Variants in DIP2C observed in about 807,000 individuals in gnomAD.
DIP2C encodes disco-interacting protein 2 homolog C.
Under a neutral mutation model 192.4 loss-of-function variants are expected in DIP2C, and 33 were observed. The ratio of observed to expected loss-of-function variants is 0.17; its 90% CI spans 0.13 to 0.23. DIP2C has a LOEUF of 0.23. Among genes scored for constraint, DIP2C ranks in the 10% least tolerant of loss-of-function variants. The probability of loss-of-function intolerance (pLI) is 1.00; values close to 1 mark genes in which losing one functional copy is unlikely to be tolerated. For synonymous variants in DIP2C, 979 were observed against 864.1 expected (o/e 1.13, Z -2.33); for missense variants, 1,537 against 2,110.1 (o/e 0.73, Z 5.32).
intron 1 of DIP2C, among the ~76,000 whole-genome samples, chr10:647,535 T>C (rs990658095): frequency 2.3e-4 from 27 of 116,266 alleles, no homozygotes; most frequent in South Asian, 6.2e-4. Flanking sequence ...CCACATTGGA[T>C]GGTGGGAGAG....
rs117691606 is a variant in DIP2C at position 375,625 on chromosome 10, C to T, written c.1992-5992G>A. 6.1e-3 allele frequency among the ~76,000 whole-genome samples: 936 copies of T among 152,276 alleles called. 4 individuals are homozygous for T. The highest frequency in any genetic ancestry group is 0.014 in the Middle Eastern group (4 of 294). Reference sequence around the variant, plus strand: ...TCTGGAAAGCATTCCATAAGCCTTGCCCGCATAACACCTTGAAGTAGCAGC... The same window carrying T: ...TCTGGAAAGCATTCCATAAGCCTTGTCCGCATAACACCTTGAAGTAGCAGC... On this transcript the variant is annotated intron_variant, in intron 17 of 36. Coordinates refer to ENST00000280886, the MANE Select transcript of DIP2C (RefSeq NM_014974.3).
chr10:422,867 C>G lies in DIP2C; in HGVS notation c.561G>C (p.Gly187=). 6.2e-7 allele frequency: 1 copy of G among 1,613,116 alleles called. No individual in the cohort carries two copies. Among genetic ancestry groups the G allele is most frequent in the Non-Finnish European group, 8.5e-7 (1 of 1,179,976 alleles). ...TGACGTCCGCCAGCCTGTGGGCAGC[C>G]CCGCTGCCCCCGCTCTGCGTAGAGG... ...SSSSTQSGGS[G]AAHRLADVMA... is the part of the protein sequence containing the mutation. Residue 187 remains glycine, a synonymous_variant, in exon 5 of 37, where the codon GGG becomes GGC. Coordinates refer to ENST00000280886, the MANE Select transcript of DIP2C (RefSeq NM_014974.3).
At chr10:469,729 T>G (rs1446411171) in intron 3 of DIP2C, among the ~76,000 whole-genome samples, 2 of 152,210 alleles carry the variant, frequency 1.3e-5, no homozygotes, top group Non-Finnish European at 2.9e-5. Flanking sequence ...AAACCCTGAC[T>G]GGCCCCCACT....
intron 32 of DIP2C, among the ~76,000 whole-genome samples, chr10:305,226 G>A (rs879338539): frequency 6.6e-6 from 1 of 152,130 alleles, no homozygotes; most frequent in Non-Finnish European, 1.5e-5. Context: ...TGCAACACAT[G>A]ACACAGGCAA....
intron 1 of DIP2C, among the ~76,000 whole-genome samples, chr10:546,207 G>A (rs182965545): frequency 1.1e-4 from 16 of 150,790 alleles, no homozygotes; most frequent in African/African-American, 3.7e-4. Context: ...ACTTGAACCC[G>A]GGAAGCAGAG....
chr10:295,210 T>C (rs976314281), intron 32 of DIP2C, among the ~76,000 whole-genome samples: 3 of 152,080 alleles, frequency 2.0e-5, no homozygotes, highest in Admixed American at 6.5e-5. Context: ...CTTATACTTA[T>C]TGTTACTAGG....
chr10:624,131 G>C (rs941898930), intron 1 of DIP2C, among the ~76,000 whole-genome samples: 4 of 152,226 alleles, frequency 2.6e-5, no homozygotes, highest in Non-Finnish European at 5.9e-5. Context: ...CCCCTGACCA[G>C]AGAAGGGAGC....
At chr10:368,640 G>A (rs1018391687) in intron 18 of DIP2C, among the ~76,000 whole-genome samples, 11 of 152,224 alleles carry the variant, frequency 7.2e-5, no homozygotes, top group Non-Finnish European at 1.2e-4. Flanking sequence ...TGAGGGGTCT[G>A]CCTCTGTGAG....
At chr10:454,276 T>A (rs567311553) in intron 3 of DIP2C, among the ~76,000 whole-genome samples, 1 of 151,070 alleles carries the variant, frequency 6.6e-6, no homozygotes, top group East Asian at 1.9e-4. Flanking sequence ...AGTGAAGAGT[T>A]TGTTGGTACT....
chr10:376,557 C>CTTT (rs61541768), intron 17 of DIP2C, among the ~76,000 whole-genome samples: 13 of 135,288 alleles, frequency 9.6e-5, no homozygotes, highest in African/African-American at 2.5e-4. Flanking sequence ...GAGGAAGTGT[C>CTTT]TTTTTTTTTT....
chr10:679,087 G>T (rs1236736203), intron 1 of DIP2C, among the ~76,000 whole-genome samples: 2 of 16,922 alleles, frequency 1.2e-4, no homozygotes, highest in African/African-American at 3.1e-4. Flanking sequence ...CCACACCCGT[G>T]CTCCCCGCAC....
chr10:340,644 G>A, intron 29 of DIP2C: 4 of 408,450 alleles, frequency 9.8e-6, no homozygotes, highest in Non-Finnish European at 2.0e-5. Context: ...AAAAAGCCAA[G>A]AAACATCCAT....
chr10:360,589 C>T (rs1241055238), intron 22 of DIP2C, among the ~76,000 whole-genome samples: 1 of 152,204 alleles, frequency 6.6e-6, no homozygotes, highest in East Asian at 1.9e-4. Context: ...GGAGGCAAGC[C>T]CTTCCCAGGT....
intron 1 of DIP2C, among the ~76,000 whole-genome samples, chr10:517,485 C>T (rs1036830946): frequency 2.0e-5 from 3 of 152,210 alleles, no homozygotes; most frequent in Admixed American, 2.0e-4. Context: ...GACAGGGTCA[C>T]TCTGACCCCT....
intron 1 of DIP2C, among the ~76,000 whole-genome samples, chr10:643,978 T>A (rs543493430): frequency 6.6e-6 from 1 of 152,244 alleles, no homozygotes; most frequent in Non-Finnish European, 1.5e-5. Context: ...CTAAATCCTA[T>A]GATTCCAGTT....
chr10:343,204 G>C (rs117374625), intron 28 of DIP2C, among the ~76,000 whole-genome samples: 4,671 of 152,302 alleles, frequency 0.031, 94 homozygotes, highest in Non-Finnish European at 0.05. Flanking sequence ...CAGGAGAATC[G>C]CTTGAACCAA....
intron 3 of DIP2C, among the ~76,000 whole-genome samples, chr10:462,783 C>G (rs1404745809): frequency 1.3e-5 from 2 of 152,190 alleles, no homozygotes; most frequent in African/African-American, 4.8e-5. Context: ...CAATAAAATG[C>G]TGGCAAACTG....
In DIP2C at chr10:432,084, A is replaced by G. The variant is rs1477161866; in HGVS notation, c.394+8787T>C. 4.1e-5 allele frequency among the ~76,000 whole-genome samples: 6 copies of G among 147,084 alleles called. No individual in the cohort carries two copies. In the South Asian group the frequency reaches 1.3e-3, roughly 32 times the overall value. ...AAATTCCACTTGGTTTTGGTGCACAATTTTTTTTTTTTACACTGTTGGATT... is the reference window on the plus strand; with the variant it reads ...AAATTCCACTTGGTTTTGGTGCACAGTTTTTTTTTTTTACACTGTTGGATT... On this transcript the variant is annotated intron_variant, in intron 4 of 36. Transcript: ENST00000280886.
intron 1 of DIP2C, among the ~76,000 whole-genome samples, chr10:590,015 A>G (rs1851309215): frequency 6.6e-6 from 1 of 152,260 alleles, no homozygotes; most frequent in African/African-American, 2.4e-5. Context: ...CTTTCACAGT[A>G]TAGTTCAAAC....
Sources: allele counts gnomAD v4.1 joint callset (sites outside exome capture counted in the v4.1 genomes callset), GRCh38; gene constraint gnomAD v4.1.1; transcripts MANE v1.5; gene names NCBI Gene and HGNC (gene_info 2026-07-23, HGNC 2026-07-21).